Variants in RHPN2 observed in about 807,000 individuals in gnomAD.
RHPN2 encodes rhophilin Rho GTPase binding protein 2, also known as rhophilin-2.
A neutral mutation model predicts 79.0 loss-of-function variants in RHPN2; 40 were observed. That is an observed-to-expected ratio of 0.51 (90% CI 0.39 to 0.66). RHPN2 has a LOEUF of 0.66. Ranked by LOEUF, RHPN2 falls within the 30% of genes least tolerant of loss-of-function variation. The probability of loss-of-function intolerance (pLI) is 0.00; values close to 1 mark genes in which losing one functional copy is unlikely to be tolerated. For missense variants in RHPN2, 686 were observed against 883.5 expected (o/e 0.78, Z 2.83); for synonymous variants, 285 against 363.5 (o/e 0.78, Z 2.46).
At chr19:33,058,266 G>A (rs978545456) in intron 1 of RHPN2, among the ~76,000 whole-genome samples, 1 of 152,232 alleles carries the variant, frequency 6.6e-6, no homozygotes, top group Non-Finnish European at 1.5e-5. Context: ...AACGAGACCT[G>A]CTGGGAACTG....
At chr19:33,020,796 C>T (rs1480781031) in intron 4 of RHPN2, among the ~76,000 whole-genome samples, 2 of 152,114 alleles carry the variant, frequency 1.3e-5, no homozygotes, top group African/African-American at 4.8e-5. Flanking sequence ...CCACTGTGCC[C>T]GGCCTTTAGC....
At chr19:32,985,498 A>G (rs957681441) in intron 14 of RHPN2, among the ~76,000 whole-genome samples, 21 of 152,138 alleles carry the variant, frequency 1.4e-4, no homozygotes, top group African/African-American at 5.1e-4. Context: ...TTAGCTGGGT[A>G]TGGTGTTCCA....
intron 2 of RHPN2, among the ~76,000 whole-genome samples, chr19:33,031,537 G>A (rs760428135): frequency 3.3e-5 from 5 of 151,974 alleles, no homozygotes; most frequent in Non-Finnish European, 7.4e-5. Flanking sequence ...GAGCCACGAC[G>A]CCCAGCCTTA....
chr19:33,049,306 C>T (rs28363937), intron 1 of RHPN2, among the ~76,000 whole-genome samples: 28,000 of 152,122 alleles, frequency 0.18, 3,331 homozygotes, highest in South Asian at 0.36. Flanking sequence ...GACAAGGTGG[C>T]GGGTCCACCA....
intron 3 of RHPN2, among the ~76,000 whole-genome samples, chr19:33,021,876 A>G (rs898554954): frequency 1.2e-4 from 18 of 152,060 alleles, no homozygotes; most frequent in African/African-American, 4.3e-4. Flanking sequence ...CTCCTAACAC[A>G]TCAGGCCCCT....
rs150014084 is a variant in RHPN2 at position 32,980,058 on chromosome 19, G to C, written c.1999C>G (p.Gln667Glu). ...CLPSVGAARPQVKKKLPSPFS... is the reference protein window; with the variant it reads ...CLPSVGAARPEVKKKLPSPFS... ...GGGGAGGGCAGCTTCTTCTTGACCTGAGGCCGTGCAGCCCCGACCGATGGG... is the reference window on the plus strand; with the variant it reads ...GGGGAGGGCAGCTTCTTCTTGACCTCAGGCCGTGCAGCCCCGACCGATGGG... The change falls in exon 15 of 15, where the codon CAG becomes GAG. Residue 667 changes from glutamine to glutamate, a missense_variant. Physicochemically the swap from Gln to Glu is conservative, Grantham distance 29. Coordinates refer to ENST00000254260, the MANE Select transcript of RHPN2 (RefSeq NM_033103.5). The C allele has an allele frequency of 9.3e-5, 150 of 1,613,784 alleles. No individual in the cohort carries two copies. The highest frequency in any genetic ancestry group is 2.2e-5 in the South Asian group (2 of 91,076).
intron 4 of RHPN2, among the ~76,000 whole-genome samples, chr19:33,015,349 C>A (rs1971868882): frequency 2.0e-5 from 3 of 152,116 alleles, no homozygotes; most frequent in African/African-American, 7.2e-5. Context: ...AGCTTGAGCC[C>A]AGGAGGCAGA....
chr19:33,064,647 C>G lies in RHPN2; in HGVS notation c.69+137G>C, dbSNP rs1972311680. The G allele has an allele frequency of 1.8e-5, 16 of 891,354 alleles. No homozygotes were observed. The Middle Eastern group carries it at 1.0e-3, about 58-fold the overall frequency. 55.2% of individuals were successfully genotyped at this position (891,354 alleles called of 1,614,324 possible). A position where few individuals can be genotyped will look rare whatever the true frequency, so the allele number is the denominator to read the frequency against. Reference sequence around the variant, plus strand: ...TCCTCCCCGCCAGCCTCCGTCCGGCCAGCGCCGGCCCAGTGCGCCCCCTCC... The same window carrying G: ...TCCTCCCCGCCAGCCTCCGTCCGGCGAGCGCCGGCCCAGTGCGCCCCCTCC... On this transcript the variant is annotated intron_variant, in intron 1 of 14. Coordinates refer to ENST00000254260, the MANE Select transcript of RHPN2 (RefSeq NM_033103.5).
intron 2 of RHPN2, among the ~76,000 whole-genome samples, chr19:33,032,276 C>T (rs772159612): frequency 2.0e-4 from 30 of 152,266 alleles, no homozygotes; most frequent in South Asian, 4.1e-4. Context: ...CTCGGCCTCC[C>T]GAAGTGCTGG....
intron 2 of RHPN2, among the ~76,000 whole-genome samples, chr19:33,038,455 T>G (rs111935767): frequency 6.6e-6 from 1 of 152,226 alleles, no homozygotes; most frequent in South Asian, 2.1e-4. Flanking sequence ...AGCCTCAAAA[T>G]GAATAAATAT....
intron 1 of RHPN2, among the ~76,000 whole-genome samples, chr19:33,055,544 C>T (rs2145271579): frequency 6.6e-6 from 1 of 152,050 alleles, no homozygotes; most frequent in South Asian, 2.1e-4. Context: ...AGCTGCTGAT[C>T]CCACATGACC....
At chr19:33,004,348 A>G (rs1054050811) in intron 7 of RHPN2, among the ~76,000 whole-genome samples, 5 of 151,872 alleles carry the variant, frequency 3.3e-5, no homozygotes, top group African/African-American at 9.7e-5. Flanking sequence ...CCAACAAAAA[A>G]AGTTTTTAAC....
At chr19:33,033,640 G>A (rs981838963) in intron 2 of RHPN2, among the ~76,000 whole-genome samples, 1 of 151,890 alleles carries the variant, frequency 6.6e-6, no homozygotes, top group Non-Finnish European at 1.5e-5. Flanking sequence ...AGGCCGAGGT[G>A]GGCAAATCAC....
At chr19:33,063,643 C>G (rs1288084249) in intron 1 of RHPN2, among the ~76,000 whole-genome samples, 3 of 152,222 alleles carry the variant, frequency 2.0e-5, no homozygotes, top group Non-Finnish European at 2.9e-5. Context: ...CCATGACTCC[C>G]GGCTCCAAAG....
chr19:33,031,006 A>T (rs1972006130), intron 2 of RHPN2, among the ~76,000 whole-genome samples: 1 of 151,850 alleles, frequency 6.6e-6, no homozygotes, highest in Admixed American at 6.6e-5. Flanking sequence ...CACCAGAAAG[A>T]CTCCCAGAAC....
At chr19:33,027,868 T>G (rs1971980850) in intron 2 of RHPN2, among the ~76,000 whole-genome samples, 1 of 152,176 alleles carries the variant, frequency 6.6e-6, no homozygotes, top group African/African-American at 2.4e-5. Flanking sequence ...TGAAATCTGA[T>G]AAAAGACACC....
intron 5 of RHPN2, among the ~76,000 whole-genome samples, chr19:33,012,027 T>C (rs1332514086): frequency 6.8e-6 from 1 of 146,234 alleles, no homozygotes; most frequent in Non-Finnish European, 1.5e-5. Flanking sequence ...TCCCCTTCTA[T>C]GGTTTTCCTT....
intron 2 of RHPN2, among the ~76,000 whole-genome samples, chr19:33,033,074 A>C (rs1157138376): frequency 2.0e-5 from 3 of 152,156 alleles, no homozygotes; most frequent in Non-Finnish European, 4.4e-5. Flanking sequence ...AATAATTATA[A>C]TTCAATTATA....
chr19:33,025,981 GT>G (rs71340523), intron 3 of RHPN2, among the ~76,000 whole-genome samples: 110 of 129,084 alleles, frequency 8.5e-4, no homozygotes, highest in Non-Finnish European at 1.3e-3. Flanking sequence ...GTGTTCATTT[GT>G]TTTTTTTTTT....
Sources: gnomAD v4.1 joint callset for allele counts (sites outside exome capture counted in the v4.1 genomes callset) on GRCh38, gnomAD v4.1.1 for gene constraint, MANE v1.5 for transcripts, NCBI Gene and HGNC (gene_info 2026-07-23, HGNC 2026-07-21) for gene names.